TENM3: variants seen among roughly 807,000 people sequenced by gnomAD.
The protein encoded by TENM3 is teneurin transmembrane protein 3.
Under a neutral mutation model 255.1 loss-of-function variants are expected in TENM3, and 63 were observed. The ratio of observed to expected loss-of-function variants is 0.25; its 90% CI spans 0.20 to 0.30. The LOEUF is 0.30. TENM3 is among the 10% of genes least tolerant of loss of function. The probability of loss-of-function intolerance (pLI) is 1.00; values close to 1 mark genes in which losing one functional copy is unlikely to be tolerated. For missense variants in TENM3, 2,929 were observed against 3,461.1 expected (o/e 0.85, Z 3.86); for synonymous variants, 1,306 against 1,322.3 (o/e 0.99, Z 0.27).
chr4:181,814,410 C>G, the TENM3 span, among the ~76,000 whole-genome samples: 1 of 152,104 alleles, frequency 6.6e-6, no homozygotes, highest in Non-Finnish European at 1.5e-5. Context: ...AACAAAAACA[C>G]AAACTTTGTG....
chr4:181,585,469 T>C, the TENM3 span, among the ~76,000 whole-genome samples: 1 of 152,198 alleles, frequency 6.6e-6, no homozygotes, highest in Non-Finnish European at 1.5e-5. Context: ...TGTAGGTTGA[T>C]TTAAGTAGTG....
the TENM3 span, among the ~76,000 whole-genome samples, chr4:182,107,117 G>C: frequency 6.6e-6 from 1 of 151,128 alleles, no homozygotes; most frequent in Non-Finnish European, 1.5e-5. Context: ...CTGTGCGCTG[G>C]TTAGTACTTG....
chr4:182,266,839 G>A (rs1759274584), intron 1 of TENM3, among the ~76,000 whole-genome samples: 1 of 152,086 alleles, frequency 6.6e-6, no homozygotes, highest in Non-Finnish European at 1.5e-5. Context: ...GTAAAATTTT[G>A]TGTGCCACAG....
chr4:182,773,032 C>A (rs1297953404), intron 22 of TENM3, among the ~76,000 whole-genome samples: 1 of 152,158 alleles, frequency 6.6e-6, no homozygotes, highest in East Asian at 1.9e-4. Context: ...TATGCAAATA[C>A]ATACATGCAC....
intron 3 of TENM3, among the ~76,000 whole-genome samples, chr4:182,432,849 G>GGTATGTGTGTGTGTGTGTGTGTGTGT (rs1771763653): frequency 7.0e-6 from 1 of 142,976 alleles, no homozygotes; most frequent in Admixed American, 6.9e-5. Flanking sequence ...AATGGATTTG[G>GGTATGTGTGTGTGTGTGTGTGTGTGT]GTGTGTGTGT....
Position 182,445,887 on chromosome 4 carries a change from A to C in TENM3, c.511+98958A>C, listed in dbSNP as rs1388027901. On this transcript the variant is annotated intron_variant, in intron 3 of 27. Coordinates refer to ENST00000511685, the MANE Select transcript of TENM3 (RefSeq NM_001080477.4). ...AATTGCTTAAGTTATAGAAGGCGAT[A>C]TCCATAATGCTAATTATCTCTGACA... 2.0e-5 allele frequency among the ~76,000 whole-genome samples: 3 copies of C among 152,230 alleles called. No individual in the cohort carries two copies. In the East Asian group the frequency reaches 5.8e-4, roughly 29 times the overall value.
At chr4:182,766,198 A>G (rs1455465947) in intron 22 of TENM3, among the ~76,000 whole-genome samples, 1 of 152,058 alleles carries the variant, frequency 6.6e-6, no homozygotes, top group Non-Finnish European at 1.5e-5. Context: ...GCACTTCCAG[A>G]CCCATGGAAT....
the TENM3 span, among the ~76,000 whole-genome samples, chr4:181,464,493 G>T: frequency 6.6e-6 from 1 of 152,052 alleles, no homozygotes; most frequent in Non-Finnish European, 1.5e-5. Flanking sequence ...TTTTCATTAG[G>T]CTAATTGTGT....
the TENM3 span, among the ~76,000 whole-genome samples, chr4:181,531,063 C>T: frequency 6.6e-6 from 1 of 152,056 alleles, no homozygotes; most frequent in African/African-American, 2.4e-5. Flanking sequence ...TGACTATTAG[C>T]ATCAATTTTT....
chr4:182,773,755 C>G, intron 23 of TENM3, 108 bp downstream of exon 23: 1 of 938,334 alleles, frequency 1.1e-6, no homozygotes, highest in Admixed American at 2.3e-5. Context: ...AAATGTAAAC[C>G]TCTAGAAATA....
At chr4:182,542,169 A>G (rs1020279722) in intron 3 of TENM3, among the ~76,000 whole-genome samples, 4 of 152,322 alleles carry the variant, frequency 2.6e-5, no homozygotes, top group Middle Eastern at 3.4e-3. Flanking sequence ...ATTTTATAGC[A>G]AAGTCTCTCC....
At position 182,303,121 on chromosome 4, in the gene TENM3, T is replaced by G. The variant is rs1423768100; in HGVS notation, c.-75-20825T>G. On this transcript the variant is annotated intron_variant, in intron 1 of 27. Transcript: ENST00000511685. ...TGATGGGAACCTATCTTAATTTCAC[T>G]CATGAAACCTGTTTCTCTCATAAAG... Among the ~76,000 whole-genome samples, 77 of 152,174 alleles carry G rather than the reference T, an allele frequency of 5.1e-4. 1 individual carries two copies. The highest frequency in any genetic ancestry group is 5.0e-3 in the Admixed American group (76 of 15,268).
rs183451066 is a variant in TENM3, at chr4:182,281,514, G to T, written c.-76+38038G>T. Among the ~76,000 whole-genome samples, 452 of 151,964 alleles carry T rather than the reference G, an allele frequency of 3.0e-3. 2 individuals carry two copies. The highest frequency in any genetic ancestry group is 4.3e-3 in the African/African-American group (177 of 41,460). On this transcript the variant is annotated intron_variant, in intron 1 of 27. Coordinates refer to ENST00000511685, the MANE Select transcript of TENM3 (RefSeq NM_001080477.4). ...GCAGAAACCAAGTTTTTTGTTGTTG[G>T]TGGTGGTGGTGGTGGTTTTTTTTGA...
chr4:182,310,457 T>C (rs1762376048), intron 1 of TENM3, among the ~76,000 whole-genome samples: 1 of 152,292 alleles, frequency 6.6e-6, no homozygotes, highest in South Asian at 2.1e-4. Context: ...ACGGCAAAAA[T>C]GTAAACAAGC....
chr4:181,689,756 A>G, the TENM3 span, among the ~76,000 whole-genome samples: 1 of 152,172 alleles, frequency 6.6e-6, no homozygotes, highest in Non-Finnish European at 1.5e-5. Context: ...TTTTCACTGT[A>G]AAGGTTTGAT....
chr4:181,814,639 T>G, the TENM3 span, among the ~76,000 whole-genome samples: 1 of 151,916 alleles, frequency 6.6e-6, no homozygotes, highest in Admixed American at 6.6e-5. Flanking sequence ...ATCCATAGTT[T>G]ATTTGGGAGA....
the TENM3 span, among the ~76,000 whole-genome samples, chr4:181,759,333 G>C: frequency 3.9e-5 from 6 of 152,062 alleles, no homozygotes; most frequent in Non-Finnish European, 7.4e-5. Context: ...ATTGAGATGA[G>C]AGACAAAACC....
At chr4:182,359,653 ATTG>A (rs1765821242) in intron 3 of TENM3, among the ~76,000 whole-genome samples, 1 of 135,880 alleles carries the variant, frequency 7.4e-6, no homozygotes, top group African/African-American at 2.6e-5. Context: ...AATTTTGTTG[ATTG>A]TTTCAAAAAA....
At chr4:181,902,771 G>T in the TENM3 span, among the ~76,000 whole-genome samples, 2 of 152,158 alleles carry the variant, frequency 1.3e-5, no homozygotes, top group South Asian at 4.2e-4. Context: ...TCAGGGGGTG[G>T]GGGGCAAGGT....
Sources: gnomAD v4.1 joint callset for allele counts (sites outside exome capture counted in the v4.1 genomes callset) on GRCh38, gnomAD v4.1.1 for gene constraint, MANE v1.5 for transcripts, NCBI Gene and HGNC (gene_info 2026-07-23, HGNC 2026-07-21) for gene names.